The following NSMCE2 variants were observed in gnomAD, a reference collection of about 807,000 sequenced individuals.
NSMCE2 encodes the protein NSE2 SUMO ligase component of SMC5/6 complex, also known as E3 SUMO-protein ligase NSE2.
A neutral mutation model predicts 23.8 loss-of-function variants in NSMCE2; 24 were observed. That is an observed-to-expected ratio of 1.01 (90% CI 0.73 to 1.42). The LOEUF (loss-of-function observed/expected upper bound fraction) is 1.42. NSMCE2 is among the 40% of genes most tolerant of loss of function. NSMCE2 has a pLI of 0.00. For missense variants in NSMCE2, 284 were observed against 296.5 expected, an observed-to-expected ratio of 0.96 and a Z score of 0.31; for synonymous variants, 92 against 94.1, an observed-to-expected ratio of 0.98 and a Z score of 0.13.
intron 4 of NSMCE2, among the ~76,000 whole-genome samples, chr8:125,177,536 C>G (rs1008791879): frequency 8.5e-5 from 13 of 152,150 alleles, no homozygotes; most frequent in Non-Finnish European, 1.9e-4. Flanking sequence ...ATAATTTACT[C>G]GTTCACCCAC....
chr8:125,174,491 G>A (rs968277599), intron 4 of NSMCE2, among the ~76,000 whole-genome samples: 10 of 152,122 alleles, frequency 6.6e-5, no homozygotes, highest in Admixed American at 5.9e-4. Flanking sequence ...ATTATAGTGG[G>A]CATGGTGCCA....
intron 5 of NSMCE2, among the ~76,000 whole-genome samples, chr8:125,324,575 T>TATGATGCAAA (rs1563785411): frequency 3.7e-5 from 3 of 81,580 alleles, no homozygotes; most frequent in Non-Finnish European, 8.9e-5. Flanking sequence ...TAAAATTCTT[T>TATGATGCAAA]TTTTTTTTTT....
intron 7 of NSMCE2, among the ~76,000 whole-genome samples, chr8:125,365,045 AG>A (rs1229653292): frequency 1.3e-5 from 2 of 152,166 alleles, no homozygotes; most frequent in Non-Finnish European, 2.9e-5. Flanking sequence ...ATCGAAGCAG[AG>A]CCGTGGCTTG....
At chr8:125,117,057 A>G (rs953666336) in intron 3 of NSMCE2, among the ~76,000 whole-genome samples, 53 of 151,666 alleles carry the variant, frequency 3.5e-4, no homozygotes, top group Non-Finnish European at 3.4e-4. Flanking sequence ...CCTAAATGGA[A>G]AAGAAACAAT....
intron 3 of NSMCE2, among the ~76,000 whole-genome samples, chr8:125,146,667 G>A (rs1297231915): frequency 6.6e-6 from 1 of 152,096 alleles, no homozygotes; most frequent in Non-Finnish European, 1.5e-5. Context: ...AACACCGCAT[G>A]TTCTCACTCA....
At chr8:125,240,217 C>G (rs895221840) in intron 5 of NSMCE2, among the ~76,000 whole-genome samples, 3 of 151,964 alleles carry the variant, frequency 2.0e-5, no homozygotes, top group Non-Finnish European at 2.9e-5. Context: ...CTCCTCCTCC[C>G]GGGTTCAAGC....
chr8:125,201,078 T>C (rs997213236), intron 5 of NSMCE2, among the ~76,000 whole-genome samples: 1 of 152,234 alleles, frequency 6.6e-6, no homozygotes, highest in Non-Finnish European at 1.5e-5. Context: ...TCTAACCTTT[T>C]TTCAAGTTTT....
intron 3 of NSMCE2, among the ~76,000 whole-genome samples, chr8:125,138,474 C>T (rs115654578): frequency 0.022 from 3,301 of 151,602 alleles, 127 homozygotes; most frequent in African/African-American, 0.076. Context: ...GATCCTCCTG[C>T]CTTGGCTTCT....
intron 5 of NSMCE2, among the ~76,000 whole-genome samples, chr8:125,355,449 C>T (rs1431617861): frequency 6.6e-6 from 1 of 152,172 alleles, no homozygotes; most frequent in East Asian, 1.9e-4. Context: ...CCTGTAATCC[C>T]AGCACTCTGG....
intron 3 of NSMCE2, among the ~76,000 whole-genome samples, chr8:125,128,633 G>A (rs757167497): frequency 1.4e-4 from 22 of 152,200 alleles, no homozygotes; most frequent in Non-Finnish European, 3.1e-4. Flanking sequence ...TAAAAGCAAA[G>A]TGTGGCAGGG....
At chr8:125,306,574 A>G (rs1828775506) in intron 5 of NSMCE2, among the ~76,000 whole-genome samples, 1 of 152,132 alleles carries the variant, frequency 6.6e-6, no homozygotes, top group Non-Finnish European at 1.5e-5. Flanking sequence ...CTGAACACAT[A>G]ATTGCTCTAG....
At chr8:125,266,165 C>T (rs1175323305) in intron 5 of NSMCE2, among the ~76,000 whole-genome samples, 1 of 149,158 alleles carries the variant, frequency 6.7e-6, no homozygotes, top group East Asian at 2.0e-4. Flanking sequence ...GATCTCCGCT[C>T]ACCGCAACCT....
chr8:125,320,399 C>G (rs1234855311), intron 5 of NSMCE2, among the ~76,000 whole-genome samples: 2 of 151,490 alleles, frequency 1.3e-5, no homozygotes, highest in South Asian at 2.1e-4. Context: ...CACAAACCCT[C>G]AAAGAAAGAT....
At chr8:125,103,849 ATTTC>A (rs1425716901) in intron 3 of NSMCE2, among the ~76,000 whole-genome samples, 2 of 151,622 alleles carry the variant, frequency 1.3e-5, no homozygotes, top group Admixed American at 6.6e-5. Flanking sequence ...TTAGTCTTCC[ATTTC>A]TTTCTTCATT....
intron 4 of NSMCE2, among the ~76,000 whole-genome samples, chr8:125,169,419 C>T (rs904536097): frequency 6.6e-6 from 1 of 152,150 alleles, no homozygotes; most frequent in African/African-American, 2.4e-5. Context: ...GCTATAGGCT[C>T]CTTAAATTCA....
intron 5 of NSMCE2, among the ~76,000 whole-genome samples, chr8:125,216,943 C>T (rs531550949): frequency 6.6e-6 from 1 of 152,164 alleles, no homozygotes; most frequent in Non-Finnish European, 1.5e-5. Context: ...AGTTAGCGTA[C>T]AGGTAACAAA....
chr8:125,167,957 A>G (rs1024146245), intron 4 of NSMCE2, among the ~76,000 whole-genome samples: 2 of 152,114 alleles, frequency 1.3e-5, no homozygotes, highest in East Asian at 1.9e-4. Context: ...CATTTTGTCA[A>G]TGTTGGAACC....
intron 5 of NSMCE2, among the ~76,000 whole-genome samples, chr8:125,313,390 G>C (rs1204987670): frequency 1.3e-5 from 2 of 152,080 alleles, no homozygotes; most frequent in Admixed American, 6.6e-5. Flanking sequence ...TAACAGTTGA[G>C]TTAATTTACT....
chr8:125,334,813 C>G (rs1199495971), intron 5 of NSMCE2, among the ~76,000 whole-genome samples: 2 of 127,870 alleles, frequency 1.6e-5, no homozygotes, highest in African/African-American at 6.1e-5. Context: ...GACACAGTCT[C>G]GCTCTGTCAC....
Sources: gnomAD v4.1 joint callset for allele counts (sites outside exome capture counted in the v4.1 genomes callset) on GRCh38, gnomAD v4.1.1 for gene constraint, MANE v1.5 for transcripts, NCBI Gene and HGNC (gene_info 2026-07-23, HGNC 2026-07-21) for gene names.